Variants in LAMB3 observed in about 807,000 individuals in gnomAD.
LAMB3 encodes the protein laminin subunit beta-3.
LAMB3 carries 104 observed loss-of-function variants against 140.3 expected under a neutral mutation model. The ratio of observed to expected loss-of-function variants is 0.74; its 90% CI spans 0.63 to 0.87. The LOEUF is 0.87. Ranked by LOEUF, LAMB3 falls within the 40% of genes least tolerant of loss-of-function variation. The pLI is 0.00. For synonymous variants in LAMB3, 592 were observed against 602.9 expected, an observed-to-expected ratio of 0.98 and a Z score of 0.26; for missense variants, 1,531 against 1,575.2, an observed-to-expected ratio of 0.97 and a Z score of 0.47.
intron 3 of LAMB3, among the ~76,000 whole-genome samples, chr1:209,642,794 T>C (rs970355268): frequency 2.0e-5 from 3 of 152,198 alleles, no homozygotes; most frequent in African/African-American, 7.2e-5. Flanking sequence ...TAAATTTTTA[T>C]ACCTTGGATA....
chr1:209,630,593 A>T (rs1294037255), intron 9 of LAMB3, 22 bp downstream of exon 9: 9 of 1,613,970 alleles, frequency 5.6e-6, no homozygotes, highest in Admixed American at 1.7e-5. Flanking sequence ...CCTACAGGGG[A>T]GGGGTGATCC....
In LAMB3 at chr1:209,617,974, T is replaced by C. The variant is rs1666040299; in HGVS notation, c.2984A>G (p.Gln995Arg). ...GNLRQGTVAL[Q>R]EAQDTMQGTS... The stretch of plus-strand genomic sequence containing the variant: ...GCCTTGCATGGTGTCCTGAGCTTCC[T>C]GCAGTGCCACTGTCCCCTGCCGCAG... The change falls in exon 20 of 23, where the codon CAG becomes CGG. Residue 995 changes from glutamine to arginine, a missense_variant. Gln to Arg is a conservative substitution (Grantham distance 43). Transcript: ENST00000356082. 1 of 1,614,110 alleles carries C rather than the reference T, an allele frequency of 6.2e-7. No homozygotes were observed. Among genetic ancestry groups the C allele is most frequent in the African/African-American group, 1.3e-5 (1 of 74,948 alleles).
intron 9 of LAMB3, 66 bp downstream of exon 9, chr1:209,630,549 T>C (rs753396072): frequency 1.9e-6 from 3 of 1,583,840 alleles, no homozygotes; most frequent in East Asian, 2.2e-5. Flanking sequence ...GGTGAGATCA[T>C]CAAGGCCTAG....
At chr1:209,644,225 A>C (rs1367588152) in intron 3 of LAMB3, among the ~76,000 whole-genome samples, 3 of 152,202 alleles carry the variant, frequency 2.0e-5, no homozygotes, top group Admixed American at 6.5e-5. Context: ...CGTATGTGAG[A>C]TACTTTCAAC....
chr1:209,630,027 A>T (rs1166016455), intron 9 of LAMB3, 102 bp from the exon 10 acceptor site: 1 of 1,146,796 alleles, frequency 8.7e-7, no homozygotes, highest in East Asian at 2.5e-5. Context: ...ACTCTGCAAG[A>T]TGATCAAGGC....
rs150802232 is a variant in LAMB3, at chr1:209,622,217, G to A, written c.2701+319C>T. ...GCCAGGCTCTGTAGCCACGATGGGA[G>A]TTGAGAGCTCATTCCAAGAACAAGG... On this transcript the variant is annotated intron_variant, in intron 18 of 22. Coordinates refer to ENST00000356082, the MANE Select transcript of LAMB3 (RefSeq NM_000228.3). 2.3e-3 allele frequency among the ~76,000 whole-genome samples: 347 copies of A among 152,360 alleles called. 3 individuals are homozygous for A. The highest frequency in any genetic ancestry group is 8.0e-3 in the African/African-American group (333 of 41,586).
chr1:209,622,343 C>G (rs1666227966), intron 18 of LAMB3, among the ~76,000 whole-genome samples, 193 bp downstream of exon 18: 1 of 152,086 alleles, frequency 6.6e-6, no homozygotes, highest in East Asian at 1.9e-4. Flanking sequence ...GAATGGGTCA[C>G]AAGGGATTGG....
intron 7 of LAMB3, 91 bp from the exon 8 acceptor site, chr1:209,632,867 A>G: frequency 7.7e-7 from 1 of 1,306,542 alleles, no homozygotes; most frequent in African/African-American, 1.5e-5. Context: ...TTCATATGTG[A>G]TACCGTGGGC....
chr1:209,630,537 C>T, intron 9 of LAMB3, 78 bp downstream of exon 9: 1 of 1,499,862 alleles, frequency 6.7e-7, no homozygotes, highest in Non-Finnish European at 9.3e-7. Flanking sequence ...CCCTGCATCC[C>T]AGGTGAGATC....
At position 209,618,441 on chromosome 1, in the gene LAMB3, C is replaced by A; in HGVS notation, c.2909+11G>T. On this transcript the variant is annotated intron_variant, in intron 19 of 22. Coordinates refer to ENST00000356082, the MANE Select transcript of LAMB3 (RefSeq NM_000228.3). ...CCTGGGCAGAGAGAAGTTCAGGGCC[C>A]AAGGCCATACCTGGCTTCCTCAGCC... The A allele has an allele frequency of 6.2e-7, 1 of 1,612,850 alleles. No homozygotes were observed. The highest frequency in any genetic ancestry group is 1.1e-5 in the South Asian group (1 of 91,046).
At chr1:209,630,963 G>A (rs143192558) in intron 8 of LAMB3, among the ~76,000 whole-genome samples, 99 of 152,286 alleles carry the variant, frequency 6.5e-4, no homozygotes, top group Middle Eastern at 6.8e-3. Context: ...GCGTGTGCCC[G>A]CACTGCTCCC....
chr1:209,627,362 C>T (rs778928982), intron 12 of LAMB3, 21 bp downstream of exon 12: 22 of 1,602,214 alleles, frequency 1.4e-5, no homozygotes, highest in African/African-American at 2.7e-5. Context: ...AGGGGGCCCC[C>T]GGACCACCCT....
intron 5 of LAMB3, 146 bp from the exon 6 acceptor site, chr1:209,634,784 C>G: frequency 1.5e-6 from 1 of 657,190 alleles, no homozygotes; most frequent in Non-Finnish European, 2.7e-6. Context: ...GGGTCCAAAC[C>G]TCCTGGCATA....
At chr1:209,645,387 C>T (rs963022388) in intron 3 of LAMB3, among the ~76,000 whole-genome samples, 1 of 152,146 alleles carries the variant, frequency 6.6e-6, no homozygotes. Context: ...GCTCTGGAAG[C>T]TTTAGACCTG....
chr1:209,649,634 C>T (rs2298929), intron 3 of LAMB3, among the ~76,000 whole-genome samples: 127,919 of 152,194 alleles, frequency 0.84, 53,928 homozygotes, highest in Middle Eastern at 0.88. Flanking sequence ...TACACATAAA[C>T]GGCCAGTGTT....
chr1:209,615,185 G>A lies in LAMB3; in HGVS notation c.*86C>T. 6.4e-7 allele frequency: 1 copy of A among 1,571,088 alleles called. No homozygotes were observed. Among genetic ancestry groups the A allele is most frequent in the East Asian group, 2.2e-5 (1 of 44,648 alleles). On this transcript the variant is annotated 3_prime_UTR_variant, in exon 23 of 23. Coordinates refer to ENST00000356082, the MANE Select transcript of LAMB3 (RefSeq NM_000228.3). ...CTTTAGGCTGCATGAAAGTCTCCTG[G>A]AGATGGAAAGCATTCCAACCCAATC...
intron 9 of LAMB3, among the ~76,000 whole-genome samples, chr1:209,630,399 G>T (rs1666635326): frequency 6.6e-6 from 1 of 152,218 alleles, no homozygotes; most frequent in African/African-American, 2.4e-5. Context: ...GAGGCCAGAA[G>T]AAGCAGGCTC....
At position 209,632,696 on chromosome 1, in the gene LAMB3, C is replaced by T. The variant is rs761752478; in HGVS notation, c.709G>A (p.Ala237Thr). 1.5e-5 allele frequency: 24 copies of T among 1,614,026 alleles called. No homozygotes were observed. Among genetic ancestry groups the T allele is most frequent in the South Asian group, 9.9e-5 (9 of 91,088 alleles). Residue 237 changes from alanine (A) to threonine (T), a missense_variant, in exon 8 of 23, where the codon GCC (alanine) becomes ACC (threonine). By Grantham distance (58) the Ala-to-Thr change is moderately conservative. Coordinates refer to ENST00000356082, the MANE Select transcript of LAMB3 (RefSeq NM_000228.3). ...CGGAGCTGGGACACAGCATAGTAGG[C>T]GCTGGGAGGGTGGTAGCCCCTTTGG... ...VPQRGYHPPS[A>T]YYAVSQLRLQ...
Position 209,623,009 on chromosome 1 carries a change from A to T in LAMB3, c.2529T>A (p.Asn843Lys). The stretch of plus-strand genomic sequence containing the variant: ...TCTGCCTGGTCCGCTGGAGCTGGGC[A>T]TTGAAGCCCCGCAGCTGCTCAGCCA... The part of the protein sequence containing the change: ...GQVAEQLRGF[N>K]AQLQRTRQMI... The change falls in exon 17 of 23, where the codon AAT (asparagine) becomes AAA (lysine). Residue 843 changes from asparagine (N) to lysine (K), a missense_variant. Asn to Lys is a moderately conservative substitution (Grantham distance 94). Transcript: ENST00000356082. This position sits in a 1 kb window ranked among gnomAD's most constrained non-coding sequence, Gnocchi z 4.2. The T allele has an allele frequency of 6.2e-7, 1 of 1,613,666 alleles. No homozygotes were observed. Among genetic ancestry groups the T allele is most frequent in the Non-Finnish European group, 8.5e-7 (1 of 1,180,006 alleles).
Sources: gnomAD v4.1 joint callset for allele counts (sites outside exome capture counted in the v4.1 genomes callset) on GRCh38, gnomAD v4.1.1 for gene constraint, Gnocchi (gnomAD v3.1) non-coding constraint, MANE v1.5 for transcripts, NCBI Gene and HGNC (gene_info 2026-07-23, HGNC 2026-07-21) for gene names.